The following IPP variants were observed in gnomAD, a reference collection of about 807,000 sequenced individuals.
IPP encodes the protein intracisternal A particle-promoted polypeptide, also known as actin-binding protein IPP.
Under a neutral mutation model 64.1 loss-of-function variants are expected in IPP, and 41 were observed. The observed-to-expected ratio is 0.64, with a 90% confidence interval of 0.50 to 0.83. The LOEUF is 0.83. Among genes scored for constraint, IPP ranks in the 40% least tolerant of loss-of-function variants. The pLI, the probability that IPP is intolerant of heterozygous loss-of-function variation, is 0.00. For synonymous variants in IPP, 214 were observed against 235.2 expected, an observed-to-expected ratio of 0.91 and a Z score of 0.83; for missense variants, 649 against 703.0, an observed-to-expected ratio of 0.92 and a Z score of 0.87.
intron 1 of IPP, among the ~76,000 whole-genome samples, chr1:45,748,611 GC>G (rs1646172726): frequency 1.3e-5 from 2 of 152,158 alleles, no homozygotes; most frequent in Non-Finnish European, 2.9e-5. Context: ...AGTCCAGGCT[GC>G]AGTGAGCTGA....
chr1:45,740,908 A>G lies in IPP; in HGVS notation c.717T>C (p.Tyr239=). The G allele has an allele frequency of 6.3e-7, 1 of 1,578,406 alleles. No individual in the cohort carries two copies. Among genetic ancestry groups the G allele is most frequent in the Non-Finnish European group, 8.6e-7 (1 of 1,163,688 alleles). The change falls in exon 3 of 9, where the codon TAT becomes TAC. Residue 239 remains tyrosine, a synonymous_variant. Transcript: ENST00000396478. ...ATATAGCAAAAAAGTTACCTTCTAT[A>G]TACTTTAAAAGTCTCTGAGGAGGTA... ...PLLPPQRLLK[Y]IEGVSDFNLR...
At chr1:45,736,912 G>A (rs993609028) in intron 3 of IPP, among the ~76,000 whole-genome samples, 2 of 151,800 alleles carry the variant, frequency 1.3e-5, no homozygotes, top group East Asian at 1.9e-4. Context: ...GCGTGGTGGC[G>A]GGCGCCCGTA....
At chr1:45,698,683 C>T (rs946219260), downstream of IPP, 2 of 931,214 alleles carry the variant, frequency 2.1e-6, no homozygotes, top group African/African-American at 1.8e-5. Flanking sequence ...ATTTTGGTGA[C>T]AACAATCTAG....
chr1:45,732,406 A>G (rs1399599028), intron 3 of IPP, among the ~76,000 whole-genome samples: 2 of 150,478 alleles, frequency 1.3e-5, no homozygotes, highest in Non-Finnish European at 3.0e-5. Flanking sequence ...AGGTCCTGCA[A>G]AACAAGAGCT....
At position 45,698,722 on chromosome 1, in the gene IPP, T is replaced by C. The variant is rs6690210; in HGVS notation, c.*1244A>G. 12,394 of 279,872 alleles carry C rather than the reference T, an allele frequency of 0.044. 39 individuals carry two copies. Among genetic ancestry groups the C allele is most frequent in the African/African-American group, 0.068 (1,952 of 28,760 alleles). The allele number at this position is 279,872 out of a possible 1,614,324, so 17.3% of individuals were successfully genotyped here. A position where few individuals can be genotyped will look rare whatever the true frequency, so the allele number is the denominator to read the frequency against. ...AAAAGGAAGAATTTTTTTTTCTTTT[T>C]TTTTTTTTTTTTTTGAGACAGGTTC... On this transcript the variant is annotated 3_prime_UTR_variant, in exon 9 of 9. Transcript: ENST00000396478.
intron 8 of IPP, among the ~76,000 whole-genome samples, chr1:45,704,798 C>A (rs748636717): frequency 2.0e-5 from 3 of 152,184 alleles, no homozygotes; most frequent in Non-Finnish European, 4.4e-5. Context: ...TGAAGACTAG[C>A]TGAAACAGGG....
At chr1:45,705,338 G>A (rs930315402) in intron 8 of IPP, among the ~76,000 whole-genome samples, 1 of 152,186 alleles carries the variant, frequency 6.6e-6, no homozygotes, top group African/African-American at 2.4e-5. Context: ...AAAAGTATAA[G>A]ATAAACTGAA....
At chr1:45,745,602 T>C (rs1646122562) in intron 2 of IPP, among the ~76,000 whole-genome samples, 1 of 151,954 alleles carries the variant, frequency 6.6e-6, no homozygotes, top group Admixed American at 6.6e-5. Flanking sequence ...CTCACGCCTG[T>C]AATCCCAGCA....
downstream of IPP, chr1:45,694,380 T>C (rs1160399339): frequency 1.2e-5 from 12 of 968,336 alleles, no homozygotes; most frequent in Admixed American, 1.0e-4. Flanking sequence ...AATATAGTTA[T>C]CCACTTAAAC....
intron 8 of IPP, among the ~76,000 whole-genome samples, chr1:45,713,579 T>C (rs61784802): frequency 0.039 from 5,887 of 151,272 alleles, 147 homozygotes; most frequent in Middle Eastern, 0.11. Context: ...AAAATTACTC[T>C]TTTGAGAGAG....
Position 45,699,830 on chromosome 1 carries a change from C to A in IPP, c.*136G>T. 6.8e-7 allele frequency: 1 copy of A among 1,462,098 alleles called. No homozygotes were observed. The highest frequency in any genetic ancestry group is 9.0e-7 in the Non-Finnish European group (1 of 1,111,424). 90.6% of individuals were successfully genotyped at this position (1,462,098 alleles called of 1,614,324 possible). ...GGCATGAGGCCACTGCGCCCAGCCT[C>A]GTTAGTCATTTATCTACCAAATACA... On this transcript the variant is annotated 3_prime_UTR_variant, in exon 9 of 9. Transcript: ENST00000396478.
At chr1:45,704,714 T>A (rs147461225) in intron 8 of IPP, among the ~76,000 whole-genome samples, 101 of 152,346 alleles carry the variant, frequency 6.6e-4, no homozygotes, top group African/African-American at 2.3e-3. Flanking sequence ...CCTGTTTACA[T>A]ACATACATTT....
At chr1:45,740,277 C>T (rs1156927882) in intron 3 of IPP, among the ~76,000 whole-genome samples, 1 of 152,218 alleles carries the variant, frequency 6.6e-6, no homozygotes, top group Non-Finnish European at 1.5e-5. Flanking sequence ...CCACCTTTCC[C>T]CCTTTTCTAT....
At chr1:45,725,227 C>G (rs1645802746) in intron 5 of IPP, among the ~76,000 whole-genome samples, 1 of 141,148 alleles carries the variant, frequency 7.1e-6, no homozygotes, top group African/African-American at 2.6e-5. Flanking sequence ...GTCAGCCCCC[C>G]GCCTGGCCAG....
rs1456923622 is a variant in IPP at position 45,699,449 on chromosome 1, A to T, written c.*517T>A. 2 of 987,822 alleles carry T rather than the reference A, an allele frequency of 2.0e-6. No individual in the cohort carries two copies. Among genetic ancestry groups the T allele is most frequent in the African/African-American group, 3.5e-5 (2 of 57,220 alleles). The allele number at this position is 987,822 out of a possible 1,614,324, so 61.2% of individuals were successfully genotyped here. On this transcript the variant is annotated 3_prime_UTR_variant, in exon 9 of 9. Transcript: ENST00000396478. The stretch of plus-strand genomic sequence containing the variant: ...TGTTACAATTTATACTGCACTGGAG[A>T]AGTAGCTAAAGGGACTATTTGCCAG...
Position 45,714,253 on chromosome 1 carries a change from A to G in IPP, c.1523T>C (p.Phe508Ser). 1.2e-6 allele frequency: 2 copies of G among 1,609,958 alleles called. No individual in the cohort carries two copies. The highest frequency in any genetic ancestry group is 2.7e-5 in the African/African-American group (2 of 74,990). The change falls in exon 8 of 9, where the codon TTT becomes TCT. Residue 508 changes from phenylalanine (F) to serine (S), a missense_variant. Physicochemically the swap from Phe to Ser is radical, Grantham distance 155. Coordinates refer to ENST00000396478, the MANE Select transcript of IPP (RefSeq NM_005897.3). The part of the protein sequence containing the change: ...DALHTVEKYS[F>S]EEEKWVEVAS... ...TGAAATCATCCAACCTACCTCTTCAAAGGAATATTTTTCTACAGTATGAAG... is the reference window on the plus strand; with the variant it reads ...TGAAATCATCCAACCTACCTCTTCAGAGGAATATTTTTCTACAGTATGAAG...
At chr1:45,721,787 C>T (rs930248521) in intron 5 of IPP, among the ~76,000 whole-genome samples, 2 of 152,324 alleles carry the variant, frequency 1.3e-5, no homozygotes, top group Admixed American at 1.3e-4. Context: ...TCCGGCTGGG[C>T]GTGGTGGCTA....
chr1:45,709,448 A>AAAAAAAG (rs1056972148), intron 8 of IPP, among the ~76,000 whole-genome samples: 5 of 148,366 alleles, frequency 3.4e-5, no homozygotes, highest in African/African-American at 1.2e-4. Context: ...AAAAAAAAAA[A>AAAAAAAG]AGAGAAGCTC....
intron 8 of IPP, among the ~76,000 whole-genome samples, chr1:45,711,317 G>A (rs1463095145): frequency 4.6e-5 from 7 of 152,038 alleles, no homozygotes; most frequent in African/African-American, 1.4e-4. Flanking sequence ...CTTCAGCCTG[G>A]CAACAGAGTG....
Sources: allele counts gnomAD v4.1 joint callset (sites outside exome capture counted in the v4.1 genomes callset), GRCh38; gene constraint gnomAD v4.1.1; transcripts MANE v1.5; gene names NCBI Gene and HGNC (gene_info 2026-07-23, HGNC 2026-07-21).